Variants in TLCD3B observed in about 807,000 individuals in gnomAD.
TLCD3B encodes the protein TLC domain containing 3B, also known as ceramide synthase.
A neutral mutation model predicts 23.0 loss-of-function variants in TLCD3B; 9 were observed. The observed-to-expected ratio is 0.39, with a 90% CI of 0.24 to 0.68. TLCD3B has a LOEUF of 0.68. TLCD3B is among the 30% of genes least tolerant of loss of function. The pLI, the probability that TLCD3B is intolerant of heterozygous loss-of-function variation, is 0.44. For synonymous variants in TLCD3B, 161 were observed against 161.0 expected, an observed-to-expected ratio of 1.00 and a Z score of 0.00; for missense variants, 307 against 371.8, an observed-to-expected ratio of 0.83 and a Z score of 1.43.
chr16:30,037,232 C>T (rs35467921), intron 3 of TLCD3B, among the ~76,000 whole-genome samples: 42,966 of 151,384 alleles, frequency 0.28, 7,671 homozygotes, highest in South Asian at 0.42. Flanking sequence ...ATAGTGGAAC[C>T]CCTGTCTCTA....
rs1018184417 is a variant in TLCD3B at position 30,039,103 on chromosome 16, C to CTTTTTTTTT, written c.-67+1883_-67+1891dup. Reference sequence around the variant, plus strand: ...TTATCCTTCTCCTCCTCCTTCCTCTCTTTTTTTTTTTTTTTTTTTTTTTTT... The same window carrying CTTTTTTTTT: ...TTATCCTTCTCCTCCTCCTTCCTCTCTTTTTTTTTTTTTTTTTTTTTTTTTTTTTTTTTT... On this transcript the variant is annotated intron_variant, in intron 3 of 6. Transcript: ENST00000561666. Among the ~76,000 whole-genome samples, 200 of 99,630 alleles carry CTTTTTTTTT rather than the reference C, an allele frequency of 2.0e-3. 46 individuals are homozygous for CTTTTTTTTT. The highest frequency in any genetic ancestry group is 6.8e-3 in the Middle Eastern group (1 of 146). 65.4% of individuals were successfully genotyped at this position (99,630 alleles called of 152,430 possible).
intron 2 of TLCD3B, among the ~76,000 whole-genome samples, chr16:30,043,275 AAGTACACTG>A (rs1344315172): frequency 6.0e-4 from 91 of 152,160 alleles, no homozygotes; most frequent in Non-Finnish European, 1.3e-4. Context: ...TCCCTTGATG[AAGTACACTG>A]GTACGATTAG....
At chr16:30,046,142 C>T in intron 2 of TLCD3B, among the ~76,000 whole-genome samples, 1 of 151,926 alleles carries the variant, frequency 6.6e-6, no homozygotes. Flanking sequence ...AAACATAGAG[C>T]ATTAGGCAGT....
chr16:30,041,155 G>A (rs1463619927), exon 3 of TLCD3B: 1 of 152,172 alleles, frequency 6.6e-6, no homozygotes, highest in Non-Finnish European at 1.5e-5. Context: ...GCACAGGCTT[G>A]TCTGAGAGAG....
rs767129801 is a variant in TLCD3B at position 30,026,642 on chromosome 16, G to A, written c.411C>T (p.Ala137=). 81 of 1,613,604 alleles carry A rather than the reference G, an allele frequency of 5.0e-5. No homozygotes were observed. The highest frequency in any genetic ancestry group is 1.6e-4 in the Middle Eastern group (1 of 6,080). Residue 137 remains alanine (A), a synonymous_variant, in exon 3 of 5, where the codon GCC becomes GCT. Coordinates refer to ENST00000380495, the MANE Select transcript of TLCD3B (RefSeq NM_031478.6). The part of the protein sequence containing the change: ...HKEFLMVLHH[A]AMVLVCFPLS... ...GTGGGAAGCACACCAGCACCATGGC[G>A]GCATGGTGGAGCACCATGAGGAACT...
rs1567294872 is a variant in TLCD3B at position 30,025,295 on chromosome 16, G to C, written c.713C>G (p.Ala238Gly). 7 of 1,554,300 alleles carry C rather than the reference G, an allele frequency of 4.5e-6. No homozygotes were observed. The highest frequency in any genetic ancestry group is 5.2e-6 in the Non-Finnish European group (6 of 1,148,900). Reference sequence around the variant, plus strand: ...GAGCTGAGGGGCCAGGAGCAGCGCAGCGCCCAGGTTGACGTGGGCAGGGAT... The same window carrying C: ...GAGCTGAGGGGCCAGGAGCAGCGCACCGCCCAGGTTGACGTGGGCAGGGAT... ...LAIPAHVNLG[A>G]ALLLAPQLYW... is the part of the protein sequence containing the mutation. The change falls in exon 5 of 5, where the codon GCT (alanine) becomes GGT (glycine). Residue 238 changes from alanine (A) to glycine (G), a missense_variant. Transcript: ENST00000380495. This position sits in a 1 kb window ranked among gnomAD's most constrained non-coding sequence, Gnocchi z 4.1.
At chr16:30,037,171 C>A (rs191070815) in intron 3 of TLCD3B, among the ~76,000 whole-genome samples, 205 of 151,594 alleles carry the variant, frequency 1.4e-3, no homozygotes, top group African/African-American at 4.6e-3. Context: ...CCTCAGAGAC[C>A]GAGGTGGGAG....
chr16:30,025,534 C>A lies in TLCD3B; in HGVS notation c.541-67G>T, dbSNP rs146596432. On this transcript the variant is annotated intron_variant, in intron 4 of 4. Coordinates refer to ENST00000380495, the MANE Select transcript of TLCD3B (RefSeq NM_031478.6). This position sits in a 1 kb window ranked among gnomAD's most constrained non-coding sequence, Gnocchi z 4.1. ...TCGGCCCCCCTTGGCCCTCTCCCTG[C>A]CTCCCTGCGACCCTAGCAGGCAGCT... 8.3e-4 allele frequency: 1,325 copies of A among 1,590,836 alleles called. 9 individuals carry two copies. The East Asian group carries it at 0.013, about 15-fold the overall frequency.
upstream of TLCD3B, chr16:30,035,463 A>T (rs1212356537): frequency 3.9e-6 from 5 of 1,289,568 alleles, no homozygotes; most frequent in East Asian, 2.8e-4. Context: ...CCCACTGCGA[A>T]CAGCAGGGTC....
chr16:30,034,343 A>T (rs2071424326), upstream of TLCD3B, among the ~76,000 whole-genome samples: 1 of 148,164 alleles, frequency 6.7e-6, no homozygotes, highest in South Asian at 2.1e-4. Flanking sequence ...GAGGCTGAGA[A>T]GGAACAATCC....
chr16:30,044,435 G>C (rs992732999), intron 2 of TLCD3B, among the ~76,000 whole-genome samples: 1 of 151,984 alleles, frequency 6.6e-6, no homozygotes, highest in African/African-American at 2.4e-5. Context: ...AGCCTCCCGA[G>C]TAGCTGGGAT....
intron 2 of TLCD3B, among the ~76,000 whole-genome samples, chr16:30,045,802 A>G (rs569101989): frequency 1.3e-5 from 2 of 150,940 alleles, no homozygotes; most frequent in East Asian, 3.9e-4. Flanking sequence ...GATGCACCAC[A>G]TACTCTGAAC....
rs79968733 is a variant in TLCD3B at position 30,051,598 on chromosome 16, C to A, written c.-294+1176G>T. Among the ~76,000 whole-genome samples the A allele has an allele frequency of 4.0e-4, 60 of 151,894 alleles. 1 individual carries two copies. In the East Asian group the frequency reaches 0.011, roughly 28 times the overall value. On this transcript the variant is annotated intron_variant, in intron 1 of 6. Coordinates refer to the TLCD3B transcript ENST00000561666. ...AAGAATCAGTGAGTATTCACCAAGG[C>A]TCCCAGGGCTAGGCCAAGTACTAGA...
intron 2 of TLCD3B, among the ~76,000 whole-genome samples, chr16:30,027,912 G>A (rs2071218334): frequency 2.0e-5 from 3 of 152,168 alleles, no homozygotes; most frequent in African/African-American, 7.2e-5. Context: ...GAGAAGTTGG[G>A]GCTGAGGCCT....
Position 30,030,796 on chromosome 16 carries a change from G to A in TLCD3B, c.-269C>T. On this transcript the variant is annotated 5_prime_UTR_variant, in exon 1 of 5. Coordinates refer to ENST00000380495, the MANE Select transcript of TLCD3B (RefSeq NM_031478.6). ...GCAGGCCAGCGAGGGATGGGGAGAG[G>A]CAAAGAGGGGATGGCTTGGTGAGGG... 2.6e-6 allele frequency: 3 copies of A among 1,151,998 alleles called. No individual in the cohort carries two copies. Among genetic ancestry groups the A allele is most frequent in the Non-Finnish European group, 3.2e-6 (3 of 937,768 alleles). The allele number at this position is 1,151,998 out of a possible 1,614,324, so 71.4% of individuals were successfully genotyped here.
At chr16:30,028,947 T>A (rs578097272) in intron 2 of TLCD3B, among the ~76,000 whole-genome samples, 1 of 152,146 alleles carries the variant, frequency 6.6e-6, no homozygotes, top group East Asian at 1.9e-4. Context: ...TTCACCCTCA[T>A]CCCCTCCCGC....
intron 1 of TLCD3B, among the ~76,000 whole-genome samples, chr16:30,049,923 CAAAAA>C (rs35810240): frequency 7.6e-6 from 1 of 130,992 alleles, no homozygotes; most frequent in Admixed American, 7.9e-5. Context: ...GACTCCATCT[CAAAAA>C]AAAAAAAAAA....
chr16:30,030,477 G>A lies in TLCD3B; in HGVS notation c.51C>T (p.Leu17=), dbSNP rs777066456. 1.9e-6 allele frequency: 3 copies of A among 1,607,552 alleles called. No individual in the cohort carries two copies. Among genetic ancestry groups the A allele is most frequent in the East Asian group, 2.2e-5 (1 of 44,668 alleles). Residue 17 remains leucine, a synonymous_variant, in exon 1 of 5, where the codon CTC becomes CTT. Transcript: ENST00000380495. ...AGGVVFPGLF[L]LSKNTLQRLP... ...GCCGCTGGAGCGTGTTCTTGGAGAG[G>A]AGGAAGAGTCCGGGGAACACCACCC... is the stretch of plus-strand genomic sequence containing the variant.
At chr16:30,039,607 T>A (rs574445614) in intron 3 of TLCD3B, among the ~76,000 whole-genome samples, 20 of 151,792 alleles carry the variant, frequency 1.3e-4, no homozygotes, top group African/African-American at 3.1e-4. Context: ...TTTTTGTATT[T>A]AAAAAAAAAT....
Sources: gnomAD v4.1 joint callset for allele counts (sites outside exome capture counted in the v4.1 genomes callset) on GRCh38, gnomAD v4.1.1 for gene constraint, Gnocchi (gnomAD v3.1) non-coding constraint, MANE v1.5 for transcripts, NCBI Gene and HGNC (gene_info 2026-07-23, HGNC 2026-07-21) for gene names.